The following STIM1 variants were observed in gnomAD, a reference collection of about 807,000 sequenced individuals.
STIM1 encodes the protein stromal interaction molecule 1.
A neutral mutation model predicts 74.7 loss-of-function variants in STIM1; 25 were observed. That is an observed-to-expected ratio of 0.33 (90% CI 0.24 to 0.47). The LOEUF is 0.47. Ranked by LOEUF, STIM1 falls within the 20% of genes least tolerant of loss-of-function variation. The pLI is 1.00. For missense variants in STIM1, 728 were observed against 920.8 expected (o/e 0.79, Z 2.71); for synonymous variants, 328 against 348.8 (o/e 0.94, Z 0.66).
chr11:3,902,795 A>G (rs929484164), intron 1 of STIM1, among the ~76,000 whole-genome samples: 1 of 152,154 alleles, frequency 6.6e-6, no homozygotes. Flanking sequence ...GAAGGCGTTA[A>G]TTTCTGGCCA....
chr11:4,040,411 A>G (rs1187425898), intron 3 of STIM1, among the ~76,000 whole-genome samples: 1 of 151,904 alleles, frequency 6.6e-6, no homozygotes. Flanking sequence ...TCCTCTATTC[A>G]TCTTTCTCAT....
intron 2 of STIM1, among the ~76,000 whole-genome samples, chr11:4,006,549 G>A (rs145134932): frequency 1.3e-5 from 2 of 152,194 alleles, no homozygotes; most frequent in African/African-American, 4.8e-5. Context: ...CAGGTAGCTG[G>A]GATTACAGGC....
intron 5 of STIM1, among the ~76,000 whole-genome samples, chr11:4,063,145 G>C (rs2094342579): frequency 6.6e-6 from 1 of 152,160 alleles, no homozygotes. Flanking sequence ...ACTGCTAATA[G>C]ATATGGCATT....
At chr11:3,942,520 T>C (rs2093023676) in intron 1 of STIM1, among the ~76,000 whole-genome samples, 1 of 152,154 alleles carries the variant, frequency 6.6e-6, no homozygotes, top group South Asian at 2.1e-4. Context: ...TATCCTTCTT[T>C]GTAGTGCTGC....
chr11:3,970,074 CT>C (rs145136493), intron 2 of STIM1, among the ~76,000 whole-genome samples: 11,814 of 138,976 alleles, frequency 0.085, 433 homozygotes, highest in African/African-American at 0.11. Flanking sequence ...GCTCCTCATC[CT>C]TTTTTTTTTT....
intron 1 of STIM1, among the ~76,000 whole-genome samples, chr11:3,857,745 A>G (rs2090441627): frequency 6.6e-6 from 1 of 152,180 alleles, no homozygotes; most frequent in Non-Finnish European, 1.5e-5. Flanking sequence ...AATATAGGTC[A>G]TGGTGGCTGG....
intron 7 of STIM1, among the ~76,000 whole-genome samples, chr11:4,077,203 A>G (rs1261658451): frequency 6.6e-6 from 1 of 151,808 alleles, no homozygotes; most frequent in Admixed American, 6.6e-5. Context: ...AGCAGTTGCT[A>G]AGTGAAATAA....
intron 1 of STIM1, among the ~76,000 whole-genome samples, chr11:3,949,153 A>G (rs1298755802): frequency 6.6e-6 from 1 of 152,138 alleles, no homozygotes; most frequent in East Asian, 1.9e-4. Context: ...CAGAAGAGGG[A>G]CTCCTAATCA....
At chr11:4,018,044 A>G (rs895377571) in intron 2 of STIM1, among the ~76,000 whole-genome samples, 1 of 152,236 alleles carries the variant, frequency 6.6e-6, no homozygotes, top group Non-Finnish European at 1.5e-5. Flanking sequence ...AGCTGGGTGC[A>G]TGGCTCACGC....
At chr11:3,949,814 G>C (rs2135659013) in intron 1 of STIM1, among the ~76,000 whole-genome samples, 1 of 152,252 alleles carries the variant, frequency 6.6e-6, no homozygotes, top group African/African-American at 2.4e-5. Flanking sequence ...CCAGGATATT[G>C]ACATTGACAT....
chr11:3,858,975 G>A (rs2135191617), intron 1 of STIM1, among the ~76,000 whole-genome samples: 1 of 152,288 alleles, frequency 6.6e-6, no homozygotes, highest in South Asian at 2.1e-4. Flanking sequence ...TGTTAAAGGA[G>A]TGCTAGGCAG....
chr11:3,912,881 A>G (rs977711786), intron 1 of STIM1, among the ~76,000 whole-genome samples: 4 of 152,144 alleles, frequency 2.6e-5, no homozygotes, highest in African/African-American at 4.8e-5. Flanking sequence ...TGGAAATCTT[A>G]TGTGTACCAC....
intron 5 of STIM1, among the ~76,000 whole-genome samples, chr11:4,068,885 C>G (rs1331502008): frequency 6.6e-6 from 1 of 152,236 alleles, no homozygotes; most frequent in Admixed American, 6.5e-5. Context: ...CTTGGTGGCT[C>G]TACCTGGGTC....
At chr11:3,974,891 C>G (rs565840525) in intron 2 of STIM1, among the ~76,000 whole-genome samples, 7 of 152,238 alleles carry the variant, frequency 4.6e-5, no homozygotes, top group Admixed American at 2.0e-4. Context: ...CAGACAAGGG[C>G]CTACCTAAGA....
At chr11:3,896,991 A>T (rs2092197964) in intron 1 of STIM1, among the ~76,000 whole-genome samples, 1 of 152,224 alleles carries the variant, frequency 6.6e-6, no homozygotes. Flanking sequence ...AGTGTTAACC[A>T]TTATAATTAT....
Position 4,014,537 on chromosome 11 carries a change from G to A in STIM1, c.271-9336G>A, listed in dbSNP as rs996896679. On this transcript the variant is annotated intron_variant, in intron 2 of 12. Coordinates refer to ENST00000526596, the MANE Select transcript of STIM1 (RefSeq NM_001382567.1). ...AGAATGTATAGTCTGTTGATTTGGC[G>A]TGGAGAGTTCTGTAGATGTCTATTA... is the stretch of plus-strand genomic sequence containing the variant. Among the ~76,000 whole-genome samples the A allele has an allele frequency of 5.9e-5, 9 of 152,322 alleles. No homozygotes were observed. The East Asian group carries it at 7.7e-4, about 13-fold the overall frequency.
intron 4 of STIM1, chr11:4,058,815 C>T: frequency 1.0e-6 from 1 of 988,586 alleles, no homozygotes; most frequent in Non-Finnish European, 1.2e-6. Context: ...ATTTCAATAG[C>T]ACATTAGCAG....
chr11:4,063,937 C>G (rs1239920570), intron 5 of STIM1, among the ~76,000 whole-genome samples: 2 of 152,310 alleles, frequency 1.3e-5, no homozygotes, highest in East Asian at 3.9e-4. Context: ...TCTGTTCCTT[C>G]CTGGTGTCTG....
intron 2 of STIM1, among the ~76,000 whole-genome samples, chr11:3,980,097 T>C (rs1438991869): frequency 6.6e-6 from 1 of 152,220 alleles, no homozygotes; most frequent in Non-Finnish European, 1.5e-5. Context: ...TGTATTGTTT[T>C]GTCTATAACT....
Sources: allele counts gnomAD v4.1 joint callset (sites outside exome capture counted in the v4.1 genomes callset), GRCh38; gene constraint gnomAD v4.1.1; transcripts MANE v1.5; gene names NCBI Gene and HGNC (gene_info 2026-07-23, HGNC 2026-07-21).